Variants in ADAMTSL1 observed in about 807,000 individuals in gnomAD.
ADAMTSL1 encodes the protein ADAMTS like 1, also known as ADAMTS-like protein 1.
A neutral mutation model predicts 201.8 loss-of-function variants in ADAMTSL1; 126 were observed. The observed-to-expected ratio is 0.62, with a 90% CI of 0.54 to 0.72. The LOEUF (loss-of-function observed/expected upper bound fraction) is 0.72. Among genes scored for constraint, ADAMTSL1 ranks in the 30% least tolerant of loss-of-function variants. ADAMTSL1 has a pLI of 0.00. For synonymous variants in ADAMTSL1, 1,121 were observed against 903.4 expected (o/e 1.24, Z -4.32); for missense variants, 2,679 against 2,277.8 (o/e 1.18, Z -3.59).
chr9:18,311,524 A>G (rs751799612), intron 2 of ADAMTSL1, among the ~76,000 whole-genome samples: 3 of 152,026 alleles, frequency 2.0e-5, no homozygotes, highest in Non-Finnish European at 4.4e-5. Context: ...GCTCCATCAC[A>G]TTTATTCAAT....
intron 1 of ADAMTSL1, among the ~76,000 whole-genome samples, chr9:18,030,564 A>G (rs12335765): frequency 1.4e-5 from 2 of 147,216 alleles, no homozygotes. Flanking sequence ...TAATAAAAAG[A>G]AAAAAAAATA....
At chr9:18,534,578 A>G (rs1819639079) in intron 3 of ADAMTSL1, among the ~76,000 whole-genome samples, 1 of 152,214 alleles carries the variant, frequency 6.6e-6, no homozygotes, top group Non-Finnish European at 1.5e-5. Context: ...CTCTTTCCTC[A>G]ATATCATGGG....
rs202168724 is a variant in ADAMTSL1, at chr9:18,181,710, C to A, written c.207+17729C>A. 5.0e-3 allele frequency among the ~76,000 whole-genome samples: 759 copies of A among 151,610 alleles called. 6 individuals carry two copies. The highest frequency in any genetic ancestry group is 0.014 in the African/African-American group (581 of 41,290). On this transcript the variant is annotated intron_variant, in intron 2 of 29. Coordinates refer to the ADAMTSL1 transcript ENST00000680146. ...GGTGGGACTGTAAACTAGTTCAACCCTTGTGGAAGTCAGTGTGGCGATTCC... is the reference window on the plus strand; with the variant it reads ...GGTGGGACTGTAAACTAGTTCAACCATTGTGGAAGTCAGTGTGGCGATTCC...
At chr9:18,583,453 T>C (rs1823249361) in intron 4 of ADAMTSL1, among the ~76,000 whole-genome samples, 1 of 152,202 alleles carries the variant, frequency 6.6e-6, no homozygotes, top group Admixed American at 6.5e-5. Context: ...AGTCAGAAGT[T>C]TGCCACAGGG....
chr9:18,590,217 T>C (rs1182481609), intron 4 of ADAMTSL1, among the ~76,000 whole-genome samples: 4 of 152,168 alleles, frequency 2.6e-5, no homozygotes, highest in African/African-American at 9.6e-5. Context: ...TTATTCATCA[T>C]TGATCTGTTC....
At chr9:17,908,756 C>A (rs1420401707) in intron 1 of ADAMTSL1, among the ~76,000 whole-genome samples, 1 of 152,216 alleles carries the variant, frequency 6.6e-6, no homozygotes, top group Non-Finnish European at 1.5e-5. Context: ...CTGCTCCCGG[C>A]CAATGTGACT....
intron 2 of ADAMTSL1, among the ~76,000 whole-genome samples, chr9:18,339,974 G>A (rs952446207): frequency 2.7e-4 from 41 of 151,924 alleles, no homozygotes; most frequent in Non-Finnish European, 1.0e-4. Context: ...TCCCCTTCCC[G>A]CATTACTAAA....
chr9:18,690,904 G>T (rs896605775), intron 13 of ADAMTSL1, among the ~76,000 whole-genome samples: 1 of 152,148 alleles, frequency 6.6e-6, no homozygotes, highest in Non-Finnish European at 1.5e-5. Context: ...ACCTCCTAAT[G>T]ATGGAAGCTA....
chr9:18,723,927 T>A (rs1020506940), intron 15 of ADAMTSL1: 1 of 152,176 alleles, frequency 6.6e-6, no homozygotes, highest in Non-Finnish European at 1.5e-5. Context: ...AGCATAATAG[T>A]GTGTTGTTTT....
intron 2 of ADAMTSL1, among the ~76,000 whole-genome samples, chr9:18,507,142 G>T (rs1817718530): frequency 6.6e-6 from 1 of 152,162 alleles, no homozygotes; most frequent in African/African-American, 2.4e-5. Flanking sequence ...AATAGGATTT[G>T]TATTATTAGG....
At chr9:18,573,706 T>C (rs1376123418) in intron 3 of ADAMTSL1, among the ~76,000 whole-genome samples, 1 of 152,198 alleles carries the variant, frequency 6.6e-6, no homozygotes, top group Admixed American at 6.5e-5. Flanking sequence ...AAAATGATAG[T>C]ACAGTGTGGA....
At chr9:18,321,586 G>T (rs1020763042) in intron 2 of ADAMTSL1, among the ~76,000 whole-genome samples, 1 of 152,188 alleles carries the variant, frequency 6.6e-6, no homozygotes, top group Non-Finnish European at 1.5e-5. Flanking sequence ...GAGGTCAGGA[G>T]ATCGAGACCA....
chr9:18,844,525 G>C (rs923883573), intron 23 of ADAMTSL1, among the ~76,000 whole-genome samples: 2 of 152,210 alleles, frequency 1.3e-5, no homozygotes, highest in African/African-American at 2.4e-5. Context: ...CCCATTCTCA[G>C]ATCTCCAGCT....
At chr9:18,367,366 G>T (rs147598118) in intron 2 of ADAMTSL1, among the ~76,000 whole-genome samples, 2 of 139,914 alleles carry the variant, frequency 1.4e-5, no homozygotes, top group Non-Finnish European at 3.1e-5. Flanking sequence ...TTAGATAACA[G>T]AAGATAAGAT....
chr9:18,574,481 TTGAG>T (rs1822575403), intron 4 of ADAMTSL1: 2 of 609,604 alleles, frequency 3.3e-6, no homozygotes, highest in Non-Finnish European at 5.8e-6. Context: ...TTTTCTTTCC[TTGAG>T]TGTCACTTGA....
intron 2 of ADAMTSL1, among the ~76,000 whole-genome samples, chr9:18,251,995 A>G (rs1831481651): frequency 1.3e-5 from 2 of 152,148 alleles, no homozygotes; most frequent in South Asian, 4.1e-4. Context: ...AGATATAAAT[A>G]TAAAATATGA....
intron 2 of ADAMTSL1, among the ~76,000 whole-genome samples, chr9:18,414,951 G>A (rs1423794301): frequency 6.6e-6 from 1 of 152,142 alleles, no homozygotes; most frequent in Non-Finnish European, 1.5e-5. Flanking sequence ...CAGGGTTTAG[G>A]GTAGACTGCT....
At chr9:18,466,913 A>G (rs1482172266) in intron 2 of ADAMTSL1, among the ~76,000 whole-genome samples, 1 of 152,154 alleles carries the variant, frequency 6.6e-6, no homozygotes, top group Non-Finnish European at 1.5e-5. Flanking sequence ...TCTGAAATTC[A>G]AATTTCATTT....
intron 4 of ADAMTSL1, among the ~76,000 whole-genome samples, chr9:18,599,501 C>T (rs945079509): frequency 2.0e-5 from 3 of 152,138 alleles, no homozygotes; most frequent in Admixed American, 6.5e-5. Flanking sequence ...TATTTTTATG[C>T]TCACTTAAAA....
Sources: allele counts gnomAD v4.1 joint callset (sites outside exome capture counted in the v4.1 genomes callset), GRCh38; gene constraint gnomAD v4.1.1; transcripts MANE v1.5; gene names NCBI Gene and HGNC (gene_info 2026-07-23, HGNC 2026-07-21).